DOCK4: variants seen among roughly 807,000 people sequenced by gnomAD.
DOCK4 encodes the protein dedicator of cytokinesis 4.
Under a neutral mutation model 268.1 loss-of-function variants are expected in DOCK4, and 97 were observed. The observed-to-expected ratio is 0.36, with a 90% confidence interval of 0.31 to 0.43. The LOEUF is 0.43. DOCK4 is among the 20% of genes least tolerant of loss of function. The probability of loss-of-function intolerance (pLI) is 1.00; values close to 1 mark genes in which losing one functional copy is unlikely to be tolerated. For missense variants in DOCK4, 2,145 were observed against 2,455.7 expected, an observed-to-expected ratio of 0.87 and a Z score of 2.67; for synonymous variants, 954 against 887.2, an observed-to-expected ratio of 1.08 and a Z score of -1.34.
At chr7:111,775,311 T>C (rs1251259850) in intron 36 of DOCK4, among the ~76,000 whole-genome samples, 12 of 152,182 alleles carry the variant, frequency 7.9e-5, no homozygotes, top group Non-Finnish European at 1.8e-4. Flanking sequence ...GAGCCATGAT[T>C]CAGGAGTTCC....
At chr7:111,752,929 G>A (rs1796771816) in intron 42 of DOCK4, among the ~76,000 whole-genome samples, 1 of 142,450 alleles carries the variant, frequency 7.0e-6, no homozygotes, top group African/African-American at 2.6e-5. Context: ...ACTTTTTTTG[G>A]GTTTTGAAAA....
intron 26 of DOCK4, among the ~76,000 whole-genome samples, chr7:111,830,898 T>C (rs984304862): frequency 1.3e-5 from 2 of 152,102 alleles, no homozygotes; most frequent in Non-Finnish European, 2.9e-5. Context: ...CCTTTCATGA[T>C]GGTACTCGAC....
In DOCK4 at chr7:112,194,265, G is replaced by T. The variant is rs546153031; in HGVS notation, c.37+11837C>A. On this transcript the variant is annotated intron_variant, in intron 1 of 52. Transcript: ENST00000428084. ...ATAGTCCAACAGGACAGAGTTTATA[G>T]AACAAAGGAAAAGTGAGCAGTGACA... is the stretch of plus-strand genomic sequence containing the variant. Among the ~76,000 whole-genome samples the T allele has an allele frequency of 2.8e-4, 42 of 152,326 alleles. No individual in the cohort carries two copies. The Middle Eastern group carries it at 0.014, about 49-fold the overall frequency.
At chr7:111,969,433 TA>T (rs199647856) in intron 8 of DOCK4, among the ~76,000 whole-genome samples, 67 of 134,752 alleles carry the variant, frequency 5.0e-4, no homozygotes, top group African/African-American at 1.6e-3. Flanking sequence ...TTTTTTCTAT[TA>T]AAAAAACAAA....
intron 48 of DOCK4, 72 bp downstream of exon 48, chr7:111,739,324 C>T (rs975137046): frequency 6.3e-7 from 1 of 1,592,064 alleles, no homozygotes; most frequent in Admixed American, 1.7e-5. Context: ...GAACGTGTGG[C>T]AGCTGGCCAC....
At chr7:111,851,183 A>C (rs1276916102) in intron 23 of DOCK4, among the ~76,000 whole-genome samples, 1 of 152,112 alleles carries the variant, frequency 6.6e-6, no homozygotes, top group Non-Finnish European at 1.5e-5. Context: ...GGTGGCTCAC[A>C]CCTGTAATCC....
intron 16 of DOCK4, among the ~76,000 whole-genome samples, chr7:111,884,531 A>C (rs1456216394): frequency 6.6e-6 from 1 of 152,230 alleles, no homozygotes; most frequent in Non-Finnish European, 1.5e-5. Flanking sequence ...TCGCTAGGAA[A>C]GACCAAAAAT....
At chr7:111,807,419 T>C (rs1800755727) in intron 30 of DOCK4, 1 of 151,784 alleles carries the variant, frequency 6.6e-6, no homozygotes, top group Non-Finnish European at 1.5e-5. Context: ...AGACAGACCA[T>C]GATATCTTCT....
At chr7:112,194,425 T>C (rs1482833165) in intron 1 of DOCK4, among the ~76,000 whole-genome samples, 1 of 152,198 alleles carries the variant, frequency 6.6e-6, no homozygotes, top group African/African-American at 2.4e-5. Flanking sequence ...CCCACAGCTA[T>C]ATGAAAACAC....
intron 6 of DOCK4, among the ~76,000 whole-genome samples, chr7:111,988,062 C>G (rs906917769): frequency 6.6e-6 from 1 of 152,210 alleles, no homozygotes; most frequent in Admixed American, 6.5e-5. Context: ...TGGGAAGTGG[C>G]ATTCTGCTTC....
chr7:112,136,480 G>C (rs1409700317), intron 1 of DOCK4, among the ~76,000 whole-genome samples: 3 of 152,108 alleles, frequency 2.0e-5, no homozygotes, highest in Non-Finnish European at 2.9e-5. Flanking sequence ...TAATTCACTC[G>C]CTCCCTCACA....
At chr7:112,121,415 C>G (rs1335938730) in intron 1 of DOCK4, among the ~76,000 whole-genome samples, 1 of 152,226 alleles carries the variant, frequency 6.6e-6, no homozygotes, top group Non-Finnish European at 1.5e-5. Flanking sequence ...AAAGGTCCAT[C>G]TCCATCAACA....
intron 39 of DOCK4, among the ~76,000 whole-genome samples, chr7:111,762,711 A>T (rs1210766587): frequency 6.7e-6 from 1 of 149,412 alleles, no homozygotes; most frequent in East Asian, 2.0e-4. Context: ...TGTATATAGA[A>T]GTAGAACTTC....
Position 112,077,642 on chromosome 7 carries a change from C to G in DOCK4, c.38-73511G>C, listed in dbSNP as rs941173631. 2.0e-5 allele frequency among the ~76,000 whole-genome samples: 3 copies of G among 152,046 alleles called. No homozygotes were observed. The East Asian group carries it at 5.8e-4, about 29-fold the overall frequency. On this transcript the variant is annotated intron_variant, in intron 1 of 52. Transcript: ENST00000428084. Reference sequence around the variant, plus strand: ...CATAGTGTGTAATAGATTACCTTCACAGAGCACCTATGATTTATTAATATG... The same window carrying G: ...CATAGTGTGTAATAGATTACCTTCAGAGAGCACCTATGATTTATTAATATG...
At chr7:112,084,230 T>A (rs1357757925) in intron 1 of DOCK4, among the ~76,000 whole-genome samples, 1 of 152,150 alleles carries the variant, frequency 6.6e-6, no homozygotes. Flanking sequence ...AGCCACTGAG[T>A]TGTGGAATTG....
chr7:112,120,536 G>A (rs1187928156), intron 1 of DOCK4, among the ~76,000 whole-genome samples: 1 of 152,122 alleles, frequency 6.6e-6, no homozygotes, highest in Non-Finnish European at 1.5e-5. Context: ...AAAGTAAATG[G>A]ACATATCTAG....
rs747903625 is a variant in DOCK4 at position 111,869,669 on chromosome 7, GA to G, written c.2028-15del. On this transcript the variant is annotated splice_polypyrimidine_tract_variant and intron_variant, in intron 20 of 52. Transcript: ENST00000428084. ...TTGATGAGATCTCTAAAATACAGGG[GA>G]AAATGTGCAGAATGTAAAATTGGTC... is the stretch of plus-strand genomic sequence containing the variant. 22 of 1,610,114 alleles carry G rather than the reference GA, an allele frequency of 1.4e-5. No individual in the cohort carries two copies. The highest frequency in any genetic ancestry group is 5.0e-5 in the Admixed American group (3 of 59,916).
chr7:112,048,858 GC>G (rs1339081158), intron 1 of DOCK4, among the ~76,000 whole-genome samples: 3 of 151,960 alleles, frequency 2.0e-5, no homozygotes, highest in African/African-American at 7.3e-5. Context: ...ATGGTGGTTT[GC>G]TGCACCTATC....
chr7:112,158,860 T>C (rs1415922654), intron 1 of DOCK4, among the ~76,000 whole-genome samples: 1 of 152,256 alleles, frequency 6.6e-6, no homozygotes, highest in East Asian at 1.9e-4. Flanking sequence ...TCCATAAGTA[T>C]TTTAAATATT....
Sources: allele counts gnomAD v4.1 joint callset (sites outside exome capture counted in the v4.1 genomes callset), GRCh38; gene constraint gnomAD v4.1.1; transcripts MANE v1.5; gene names NCBI Gene and HGNC (gene_info 2026-07-23, HGNC 2026-07-21).